FBXO15: variants seen among roughly 807,000 people sequenced by gnomAD.
The protein encoded by FBXO15 is F-box protein 15.
Under a neutral mutation model 49.5 loss-of-function variants are expected in FBXO15, and 30 were observed. That is an observed-to-expected ratio of 0.61 (90% CI 0.45 to 0.82). The LOEUF is 0.82. Ranked by LOEUF, FBXO15 falls within the 40% of genes least tolerant of loss-of-function variation. The probability of loss-of-function intolerance (pLI) is 0.00; values close to 1 mark genes in which losing one functional copy is unlikely to be tolerated. For synonymous variants in FBXO15, 250 were observed against 232.7 expected (o/e 1.07, Z -0.68); for missense variants, 591 against 631.5 (o/e 0.94, Z 0.69).
chr18:74,073,663 G>T lies in FBXO15; in HGVS notation c.1331C>A (p.Pro444Gln). 1 of 1,614,116 alleles carries T rather than the reference G, an allele frequency of 6.2e-7. No homozygotes were observed. Among genetic ancestry groups the T allele is most frequent in the Non-Finnish European group, 8.5e-7 (1 of 1,180,034 alleles). Reference protein sequence around the residue: ...HGKPFWCFSSPVCLRSPATPS... With the variant: ...HGKPFWCFSSQVCLRSPATPS... The stretch of plus-strand genomic sequence containing the variant: ...TGTGGCAGGCGATCTCAGGCACACC[G>T]GGGAACTGAAACACCAAAAGGGTTT... The change falls in exon 10 of 10, where the codon CCG becomes CAG. Residue 444 changes from proline to glutamine, a missense_variant. By Grantham distance (76) the Pro-to-Gln change is moderately conservative. Transcript: ENST00000419743.
chr18:74,083,253 C>T (rs1463748311), intron 8 of FBXO15, among the ~76,000 whole-genome samples: 5 of 152,250 alleles, frequency 3.3e-5, no homozygotes, highest in Non-Finnish European at 5.9e-5. Flanking sequence ...TTCCCTTCCA[C>T]TCTCCCCAGG....
Position 74,124,486 on chromosome 18 carries a change from T to C in FBXO15, c.995+3A>G, listed in dbSNP as rs533423744. 4 of 1,613,140 alleles carry C rather than the reference T, an allele frequency of 2.5e-6. No individual in the cohort carries two copies. The highest frequency in any genetic ancestry group is 1.7e-4 in the Middle Eastern group (1 of 6,058). ...TTCAACACACCCACATATAAATACA[T>C]ACATAGTAGCCGAGCCTAATGTGCT... On this transcript the variant is annotated splice_donor_region_variant and intron_variant, in intron 7 of 9. Coordinates refer to ENST00000419743, the MANE Select transcript of FBXO15 (RefSeq NM_001142958.2).
intron 3 of FBXO15, among the ~76,000 whole-genome samples, chr18:74,134,850 C>T: frequency 6.6e-6 from 1 of 152,112 alleles, no homozygotes; most frequent in Admixed American, 6.5e-5. Flanking sequence ...ACTAATATGA[C>T]AGCTCTCATT....
At chr18:74,087,229 T>A (rs574659222) in intron 8 of FBXO15, among the ~76,000 whole-genome samples, 1 of 152,330 alleles carries the variant, frequency 6.6e-6, no homozygotes, top group East Asian at 1.9e-4. Flanking sequence ...TGAATGTGGC[T>A]GTGGCATTTT....
At chr18:74,096,648 A>C (rs1913288893) in intron 8 of FBXO15, among the ~76,000 whole-genome samples, 1 of 147,256 alleles carries the variant, frequency 6.8e-6, no homozygotes, top group African/African-American at 2.6e-5. Context: ...AAAGCAAACA[A>C]AAAAAAAAAA....
At chr18:74,106,451 A>AAT (rs1913772825) in intron 8 of FBXO15, among the ~76,000 whole-genome samples, 1 of 152,194 alleles carries the variant, frequency 6.6e-6, no homozygotes, top group Non-Finnish European at 1.5e-5. Context: ...ATGAATAATG[A>AAT]ATATTCAATT....
intron 8 of FBXO15, among the ~76,000 whole-genome samples, chr18:74,112,602 G>C (rs1305717205): frequency 1.3e-5 from 2 of 152,186 alleles, no homozygotes; most frequent in African/African-American, 2.4e-5. Context: ...ATCAGCAACA[G>C]AGCAAGGATG....
At chr18:74,093,867 A>T (rs1032732692) in intron 8 of FBXO15, among the ~76,000 whole-genome samples, 1 of 152,226 alleles carries the variant, frequency 6.6e-6, no homozygotes, top group Non-Finnish European at 1.5e-5. Context: ...TTTTCAATTG[A>T]CTTTGCCCAG....
chr18:74,140,112 T>C, intron 2 of FBXO15, 90 bp downstream of exon 2: 1 of 1,083,478 alleles, frequency 9.2e-7, no homozygotes, highest in Non-Finnish European at 1.3e-6. Flanking sequence ...AAGCTCAAAA[T>C]AGCAACTTGG....
intron 8 of FBXO15, among the ~76,000 whole-genome samples, chr18:74,114,721 A>T (rs564250475): frequency 6.6e-6 from 1 of 152,348 alleles, no homozygotes; most frequent in Admixed American, 6.5e-5. Context: ...ACAAAGAAGC[A>T]GGTAACAATA....
chr18:74,146,532 TAGC>T (rs1349417844), intron 1 of FBXO15, among the ~76,000 whole-genome samples: 3 of 152,244 alleles, frequency 2.0e-5, no homozygotes, highest in Non-Finnish European at 4.4e-5. Flanking sequence ...ATTTTAGTAA[TAGC>T]AGCAAATTGA....
intron 1 of FBXO15, among the ~76,000 whole-genome samples, chr18:74,146,635 A>G (rs979307574): frequency 6.6e-6 from 1 of 152,178 alleles, no homozygotes; most frequent in African/African-American, 2.4e-5. Flanking sequence ...ATTTGTGACA[A>G]GGCTTGTGGT....
At chr18:74,129,369 T>C (rs1462253680) in intron 5 of FBXO15, 36 bp downstream of exon 5, 11 of 1,551,910 alleles carry the variant, frequency 7.1e-6, no homozygotes, top group Non-Finnish European at 9.7e-6. Flanking sequence ...ACATATAAGA[T>C]GCTCTCACTC....
intron 8 of FBXO15, among the ~76,000 whole-genome samples, chr18:74,094,339 T>C (rs753729640): frequency 2.0e-5 from 3 of 152,160 alleles, no homozygotes; most frequent in Non-Finnish European, 4.4e-5. Context: ...TAAAAGTATG[T>C]GGCCTCTCCC....
chr18:74,122,512 T>A (rs190263274), intron 8 of FBXO15: 72 of 152,346 alleles, frequency 4.7e-4, no homozygotes, highest in African/African-American at 1.5e-3. Flanking sequence ...TCAACATTTT[T>A]AAACAAAATA....
chr18:74,097,890 G>C (rs1378024470), intron 8 of FBXO15: 1 of 152,352 alleles, frequency 6.6e-6, no homozygotes, highest in African/African-American at 2.4e-5. Flanking sequence ...ACTGGAACAG[G>C]AGCTGGTATC....
At chr18:74,073,823 C>G (rs1291695151) in intron 9 of FBXO15, 93 bp from the exon 10 acceptor site, 1 of 1,446,674 alleles carries the variant, frequency 6.9e-7, no homozygotes, top group Non-Finnish European at 9.3e-7. Context: ...ACTAGAAATG[C>G]TGCGTGTGGC....
chr18:74,135,112 T>C (rs1043215373), intron 3 of FBXO15, among the ~76,000 whole-genome samples: 1 of 152,082 alleles, frequency 6.6e-6, no homozygotes, highest in Admixed American at 6.6e-5. Flanking sequence ...AGGCTAAGAT[T>C]ATAGTGACAA....
At chr18:74,135,925 G>A in intron 2 of FBXO15, 59 bp from the exon 3 acceptor site, 1 of 1,393,774 alleles carries the variant, frequency 7.2e-7, no homozygotes, top group Non-Finnish European at 9.9e-7. Flanking sequence ...TTAATCTGCA[G>A]ATTACCCAGA....
Sources: allele counts gnomAD v4.1 joint callset (sites outside exome capture counted in the v4.1 genomes callset), GRCh38; gene constraint gnomAD v4.1.1; transcripts MANE v1.5; gene names NCBI Gene and HGNC (gene_info 2026-07-23, HGNC 2026-07-21).